Variants in ZEB2 observed in about 807,000 individuals in gnomAD.
ZEB2 encodes zinc finger E-box-binding homeobox 2.
Under a neutral mutation model 99.9 loss-of-function variants are expected in ZEB2, and 6 were observed. The ratio of observed to expected loss-of-function variants is 0.06; its 90% CI spans 0.03 to 0.12. The LOEUF (loss-of-function observed/expected upper bound fraction) is 0.12, where lower values mean the gene tolerates loss of function less well. Ranked by LOEUF, ZEB2 falls within the 10% of genes least tolerant of loss-of-function variation. ZEB2 has a pLI of 1.00. For missense variants in ZEB2, 969 were observed against 1,502.8 expected (o/e 0.64, Z 5.87); for synonymous variants, 517 against 542.5 (o/e 0.95, Z 0.65).
rs16823822 is a variant in ZEB2, at chr2:144,513,001, C to T, written c.73+4277G>A. The T allele has an allele frequency of 6.1e-5, 79 of 1,287,228 alleles. No homozygotes were observed. The East Asian group carries it at 1.6e-3, about 26-fold the overall frequency. 79.7% of individuals were successfully genotyped at this position (1,287,228 alleles called of 1,614,324 possible). A position where few individuals can be genotyped will look rare whatever the true frequency, so the allele number is the denominator to read the frequency against. On this transcript the variant is annotated intron_variant, in intron 2 of 9. Transcript: ENST00000627532. ...AGATTTCCACACTTTGCAAAGATAA[C>T]CAAGTCTGGACTGACAGTGATCCGA...
chr2:144,408,283 T>C (rs985490260), intron 4 of ZEB2, among the ~76,000 whole-genome samples: 1 of 152,218 alleles, frequency 6.6e-6, no homozygotes, highest in Non-Finnish European at 1.5e-5. Flanking sequence ...ACACTAATCT[T>C]GGTGTAGAGG....
intron 2 of ZEB2, chr2:144,512,590 A>T: frequency 7.8e-7 from 1 of 1,287,246 alleles, no homozygotes; most frequent in Non-Finnish European, 1.0e-6. Context: ...GGAAGACGTG[A>T]ATTTATTTGT....
intron 2 of ZEB2, among the ~76,000 whole-genome samples, chr2:144,487,579 T>C (rs541262610): frequency 6.6e-6 from 1 of 152,376 alleles, no homozygotes; most frequent in South Asian, 2.1e-4. Context: ...TTCAGTTATC[T>C]ATTTAACTTT....
intron 4 of ZEB2, among the ~76,000 whole-genome samples, chr2:144,416,599 A>G (rs1183125835): frequency 6.6e-6 from 1 of 152,194 alleles, no homozygotes; most frequent in Non-Finnish European, 1.5e-5. Flanking sequence ...CTCTCCTATC[A>G]TCATTCTGTC....
At chr2:144,462,041 C>T (rs993344283) in intron 2 of ZEB2, 5 of 152,082 alleles carry the variant, frequency 3.3e-5, no homozygotes, top group Non-Finnish European at 7.3e-5. Flanking sequence ...GTACCACAGC[C>T]ACTCTTTGCC....
chr2:144,505,181 T>C (rs993361743), intron 2 of ZEB2, among the ~76,000 whole-genome samples: 1 of 151,830 alleles, frequency 6.6e-6, no homozygotes. Context: ...TGACTATACA[T>C]TTGAAATGTT....
chr2:144,403,278 AG>A (rs1418105760), intron 6 of ZEB2, among the ~76,000 whole-genome samples: 5 of 152,216 alleles, frequency 3.3e-5, no homozygotes, highest in Non-Finnish European at 7.3e-5. Context: ...AAGCAAAAAG[AG>A]GGGGAGTAAT....
chr2:144,401,361 T>G, intron 6 of ZEB2, 54 bp from the exon 7 acceptor site: 1 of 1,577,872 alleles, frequency 6.3e-7, no homozygotes, highest in Non-Finnish European at 8.7e-7. Flanking sequence ...CAAAGAAAAT[T>G]TGTTACAAAT....
chr2:144,405,761 G>A (rs1703378262), intron 4 of ZEB2, among the ~76,000 whole-genome samples: 1 of 152,220 alleles, frequency 6.6e-6, no homozygotes, highest in African/African-American at 2.4e-5. Flanking sequence ...AAACTGGTGT[G>A]TGATTTTGAT....
At chr2:144,483,163 C>CACACACACAT (rs1704543155) in intron 2 of ZEB2, among the ~76,000 whole-genome samples, 1 of 128,970 alleles carries the variant, frequency 7.8e-6, no homozygotes, top group African/African-American at 2.7e-5. Context: ...CACACACACA[C>CACACACACAT]ATACCCTAAG....
intron 4 of ZEB2, among the ~76,000 whole-genome samples, chr2:144,406,896 G>A (rs1703395618): frequency 6.6e-6 from 1 of 152,166 alleles, no homozygotes; most frequent in Non-Finnish European, 1.5e-5. Context: ...TTAAGGAATT[G>A]ATGATGGAGA....
chr2:144,439,613 A>C (rs1372928522), intron 2 of ZEB2, among the ~76,000 whole-genome samples: 1 of 152,224 alleles, frequency 6.6e-6, no homozygotes, highest in Non-Finnish European at 1.5e-5. Context: ...TAACTAACCG[A>C]ATACACACAA....
intron 6 of ZEB2, among the ~76,000 whole-genome samples, chr2:144,401,515 G>A (rs374043780): frequency 1.2e-4 from 18 of 152,260 alleles, no homozygotes; most frequent in Admixed American, 3.3e-4. Context: ...TTTCACATGC[G>A]CATCCAACAC....
intron 3 of ZEB2, 96 bp from the exon 4 acceptor site, chr2:144,424,963 G>C (rs935942358): frequency 3.7e-6 from 5 of 1,339,962 alleles, no homozygotes; most frequent in Non-Finnish European, 5.3e-6. Context: ...TCTTTTAAAG[G>C]AAACAGAGAA....
intron 2 of ZEB2, among the ~76,000 whole-genome samples, chr2:144,492,172 G>A (rs774390108): frequency 1.2e-4 from 18 of 152,188 alleles, no homozygotes; most frequent in Non-Finnish European, 2.4e-4. Context: ...CAAAGAAACC[G>A]TCAGATTAAG....
At chr2:144,506,420 T>C (rs1704951086) in intron 2 of ZEB2, among the ~76,000 whole-genome samples, 1 of 152,176 alleles carries the variant, frequency 6.6e-6, no homozygotes, top group African/African-American at 2.4e-5. Flanking sequence ...TCTTAATGGG[T>C]CTATTTATTA....
chr2:144,408,912 CTT>C (rs1447539077), intron 4 of ZEB2, among the ~76,000 whole-genome samples: 1 of 150,666 alleles, frequency 6.6e-6, no homozygotes, highest in Non-Finnish European at 1.5e-5. Context: ...GATTTTAGGA[CTT>C]TGTTCCAGAA....
intron 2 of ZEB2, among the ~76,000 whole-genome samples, chr2:144,488,159 A>G (rs1704626151): frequency 6.6e-6 from 1 of 152,216 alleles, no homozygotes; most frequent in Non-Finnish European, 1.5e-5. Context: ...TGCTTAGTGC[A>G]CAGCACATTT....
rs191114836 is a variant in ZEB2 at position 144,472,145 on chromosome 2, G to A, written c.74-42119C>T. Among the ~76,000 whole-genome samples, 16 of 151,848 alleles carry A rather than the reference G, an allele frequency of 1.1e-4. No individual in the cohort carries two copies. The East Asian group carries it at 1.7e-3, about 17-fold the overall frequency. ...ATACTGTATGTTTCCTGGACACTTC[G>A]TTTTATAAGCAGAGTATTAACCCAA... is the stretch of plus-strand genomic sequence containing the variant. On this transcript the variant is annotated intron_variant, in intron 2 of 9. Coordinates refer to ENST00000627532, the MANE Select transcript of ZEB2 (RefSeq NM_014795.4).
Sources: allele counts gnomAD v4.1 joint callset (sites outside exome capture counted in the v4.1 genomes callset), GRCh38; gene constraint gnomAD v4.1.1; transcripts MANE v1.5; gene names NCBI Gene and HGNC (gene_info 2026-07-23, HGNC 2026-07-21).